OPCML: variants seen among roughly 807,000 people sequenced by gnomAD.
OPCML encodes opioid-binding protein/cell adhesion molecule.
A neutral mutation model predicts 37.8 loss-of-function variants in OPCML; 13 were observed. That is an observed-to-expected ratio of 0.34 (90% CI 0.22 to 0.55). The LOEUF (loss-of-function observed/expected upper bound fraction) is 0.55. OPCML is among the 20% of genes least tolerant of loss of function. The pLI is 0.91. For missense variants in OPCML, 341 were observed against 435.6 expected, an observed-to-expected ratio of 0.78 and a Z score of 1.93; for synonymous variants, 176 against 168.8, an observed-to-expected ratio of 1.04 and a Z score of -0.33.
chr11:133,344,035 G>A (rs1048595794), intron 1 of OPCML, among the ~76,000 whole-genome samples: 7 of 152,166 alleles, frequency 4.6e-5, no homozygotes, highest in Non-Finnish European at 7.3e-5. Context: ...TAAACCCTGC[G>A]AGGAAACACA....
At chr11:132,611,944 C>T (rs1455247723) in intron 3 of OPCML, among the ~76,000 whole-genome samples, 2 of 152,086 alleles carry the variant, frequency 1.3e-5, no homozygotes, top group African/African-American at 4.8e-5. Flanking sequence ...ACAGTAGCGA[C>T]CGGAGGAGAC....
chr11:132,533,114 A>G (rs770919331), intron 3 of OPCML, among the ~76,000 whole-genome samples: 6 of 152,232 alleles, frequency 3.9e-5, no homozygotes, highest in Admixed American at 1.3e-4. Context: ...AAAGAAAATG[A>G]TAAGACCCAC....
At chr11:133,307,405 A>G (rs1359297661) in intron 1 of OPCML, among the ~76,000 whole-genome samples, 1 of 152,214 alleles carries the variant, frequency 6.6e-6, no homozygotes, top group Non-Finnish European at 1.5e-5. Flanking sequence ...TTTCTGCTGT[A>G]TTATGTTACA....
At chr11:132,498,983 G>T (rs1054970207) in intron 4 of OPCML, among the ~76,000 whole-genome samples, 2 of 152,218 alleles carry the variant, frequency 1.3e-5, no homozygotes, top group African/African-American at 2.4e-5. Context: ...TTCCTATGGA[G>T]ATACTATTTT....
intron 1 of OPCML, among the ~76,000 whole-genome samples, chr11:133,384,261 A>AAAAAG (rs372043005): frequency 3.9e-4 from 43 of 109,330 alleles, no homozygotes; most frequent in Non-Finnish European, 5.2e-4. Context: ...AAAAAAAAAA[A>AAAAAG]AAAAGAAAAG....
At chr11:132,484,223 A>C (rs1246578572) in intron 4 of OPCML, among the ~76,000 whole-genome samples, 10 of 152,260 alleles carry the variant, frequency 6.6e-5, no homozygotes, top group Non-Finnish European at 1.5e-4. Flanking sequence ...ATTTACAAGA[A>C]AAAAACACAC....
At chr11:132,432,298 T>C (rs2095999717) in intron 7 of OPCML, among the ~76,000 whole-genome samples, 2 of 152,128 alleles carry the variant, frequency 1.3e-5, no homozygotes, top group Admixed American at 6.5e-5. Context: ...TAATTAGGCA[T>C]AATTATGGGG....
At chr11:133,531,118 G>T (rs571087353) in intron 1 of OPCML, among the ~76,000 whole-genome samples, 7 of 152,128 alleles carry the variant, frequency 4.6e-5, no homozygotes, top group Non-Finnish European at 7.3e-5. Flanking sequence ...ACTGTGCGAC[G>T]GTTTGGTATG....
At chr11:133,532,236 G>C (rs1359076810) in intron 1 of OPCML, 28 bp downstream of exon 1, 2 of 1,611,804 alleles carry the variant, frequency 1.2e-6, no homozygotes, top group Admixed American at 3.3e-5. Flanking sequence ...ACCCCAGGGA[G>C]AGAAAACACC....
intron 2 of OPCML, among the ~76,000 whole-genome samples, chr11:132,826,586 T>G (rs1338557414): frequency 2.6e-5 from 4 of 152,208 alleles, no homozygotes; most frequent in African/African-American, 9.6e-5. Context: ...AAAGAATACT[T>G]TATGTAACAT....
At chr11:133,225,748 G>A (rs1392956100) in intron 1 of OPCML, among the ~76,000 whole-genome samples, 2 of 152,196 alleles carry the variant, frequency 1.3e-5, no homozygotes, top group Admixed American at 6.5e-5. Flanking sequence ...TGTGAGGCCA[G>A]TATAGGAAAA....
chr11:133,129,379 C>A (rs756354344), intron 1 of OPCML, among the ~76,000 whole-genome samples: 22 of 152,204 alleles, frequency 1.4e-4, no homozygotes, highest in Admixed American at 3.3e-4. Flanking sequence ...GTGTAATGCA[C>A]CGGATATTGG....
chr11:132,945,936 C>T (rs1474478098), intron 1 of OPCML, among the ~76,000 whole-genome samples: 2 of 152,212 alleles, frequency 1.3e-5, no homozygotes, highest in African/African-American at 4.8e-5. Context: ...GCGCCCACCA[C>T]CATGCCCAGC....
intron 4 of OPCML, among the ~76,000 whole-genome samples, chr11:132,461,344 T>C (rs1002200250): frequency 6.6e-6 from 1 of 152,066 alleles, no homozygotes; most frequent in Non-Finnish European, 1.5e-5. Flanking sequence ...TAATCATGCC[T>C]AGGATATGAA....
intron 1 of OPCML, among the ~76,000 whole-genome samples, chr11:133,485,790 A>T (rs1451729863): frequency 1.3e-5 from 2 of 152,218 alleles, no homozygotes; most frequent in Non-Finnish European, 2.9e-5. Context: ...AAAGCAGTAA[A>T]CACATTTGAG....
intron 1 of OPCML, among the ~76,000 whole-genome samples, chr11:132,976,803 A>C (rs910468065): frequency 6.6e-6 from 1 of 152,234 alleles, no homozygotes; most frequent in Non-Finnish European, 1.5e-5. Flanking sequence ...TTAAAATTCA[A>C]GGAAAAAGAA....
At chr11:132,926,837 T>C (rs1051520662) in intron 2 of OPCML, among the ~76,000 whole-genome samples, 2 of 151,662 alleles carry the variant, frequency 1.3e-5, no homozygotes, top group East Asian at 1.9e-4. Context: ...AAAGTAATCA[T>C]GAAAACAATA....
chr11:132,589,116 T>C (rs2096479683), intron 3 of OPCML, among the ~76,000 whole-genome samples: 1 of 152,170 alleles, frequency 6.6e-6, no homozygotes, highest in African/African-American at 2.4e-5. Flanking sequence ...TTATGAAAAT[T>C]TGGTACAAAG....
intron 4 of OPCML, among the ~76,000 whole-genome samples, chr11:132,504,908 T>C (rs916021920): frequency 6.6e-6 from 1 of 152,040 alleles, no homozygotes; most frequent in African/African-American, 2.4e-5. Context: ...ATAGACTTTC[T>C]AAGCAATCAC....
Sources: allele counts gnomAD v4.1 joint callset (sites outside exome capture counted in the v4.1 genomes callset), GRCh38; gene constraint gnomAD v4.1.1; transcripts MANE v1.5; gene names NCBI Gene and HGNC (gene_info 2026-07-23, HGNC 2026-07-21).